Variants in KIAA1217 observed in about 807,000 individuals in gnomAD.
The protein encoded by KIAA1217 is sickle tail protein homolog.
In KIAA1217, 88 loss-of-function variants were observed where a neutral mutation model predicts 163.9. The observed-to-expected ratio is 0.54, with a 90% CI of 0.45 to 0.64. The LOEUF (loss-of-function observed/expected upper bound fraction) is 0.64. KIAA1217 is among the 30% of genes least tolerant of loss of function. KIAA1217 has a pLI of 0.00. For missense variants in KIAA1217, 2,372 were observed against 2,475.0 expected, an observed-to-expected ratio of 0.96 and a Z score of 0.88; for synonymous variants, 903 against 923.1, an observed-to-expected ratio of 0.98 and a Z score of 0.39.
intron 1 of KIAA1217, among the ~76,000 whole-genome samples, chr10:23,721,474 T>A (rs1043545313): frequency 6.6e-6 from 1 of 152,106 alleles, no homozygotes; most frequent in Non-Finnish European, 1.5e-5. Flanking sequence ...TCATAGCATC[T>A]TTTTCCTTTT....
intron 1 of KIAA1217, among the ~76,000 whole-genome samples, chr10:23,814,030 T>C (rs1484971956): frequency 3.3e-5 from 5 of 152,158 alleles, no homozygotes; most frequent in Non-Finnish European, 7.3e-5. Flanking sequence ...AGTATATCCA[T>C]GACTTTTTGG....
intron 2 of KIAA1217, among the ~76,000 whole-genome samples, chr10:24,203,184 CA>C (rs5783879): frequency 0.58 from 76,317 of 132,116 alleles, 21,160 homozygotes; most frequent in Non-Finnish European, 0.67. Context: ...AAAAACTTGT[CA>C]AAAAAAAAAA....
intron 6 of KIAA1217, among the ~76,000 whole-genome samples, chr10:24,487,447 G>C (rs1409698112): frequency 6.6e-6 from 1 of 152,204 alleles, no homozygotes; most frequent in African/African-American, 2.4e-5. Flanking sequence ...CGTCTCCCGA[G>C]GCCATGAAGA....
chr10:24,219,754 C>A lies in KIAA1217; in HGVS notation c.199C>A (p.His67Asn). 1 of 1,613,852 alleles carries A rather than the reference C, an allele frequency of 6.2e-7. No homozygotes were observed. Among genetic ancestry groups the A allele is most frequent in the Non-Finnish European group, 8.5e-7 (1 of 1,179,864 alleles). ...SKSSRNIPRR[H>N]TLGGPRSSKE... ...GTCTTCCCGCAATATCCCAAGGAGA[C>A]ACACCCTAGGGGGGCCCCGAAGTTC... is the stretch of plus-strand genomic sequence containing the variant. The change falls in exon 2 of 21, where the codon CAC becomes AAC. Residue 67 changes from histidine to asparagine, a missense_variant. Around this residue, in one of 3 missense-constraint regions of KIAA1217, gnomAD observed 1,431 missense variants for 1,470.3 expected, o/e 0.97. Coordinates refer to ENST00000376454, the MANE Select transcript of KIAA1217 (RefSeq NM_019590.5).
chr10:24,235,745 C>A (rs1266976295), intron 2 of KIAA1217, among the ~76,000 whole-genome samples: 4 of 152,100 alleles, frequency 2.6e-5, no homozygotes, highest in East Asian at 3.9e-4. Context: ...GCTGATGTTT[C>A]TGTCTGAACT....
chr10:24,190,868 T>C (rs1481456674), intron 2 of KIAA1217, among the ~76,000 whole-genome samples: 1 of 148,114 alleles, frequency 6.8e-6, no homozygotes, highest in Non-Finnish European at 1.5e-5. Flanking sequence ...GGGAAAGGGA[T>C]AACCAGGACA....
chr10:23,885,400 T>G (rs1841127903), intron 1 of KIAA1217, among the ~76,000 whole-genome samples: 2 of 151,932 alleles, frequency 1.3e-5, no homozygotes, highest in Admixed American at 6.6e-5. Context: ...CTTTGTACTC[T>G]TTGACCAACA....
At chr10:24,311,242 GTCCT>G (rs1473291441) in intron 2 of KIAA1217, among the ~76,000 whole-genome samples, 1 of 152,158 alleles carries the variant, frequency 6.6e-6, no homozygotes, top group African/African-American at 2.4e-5. Context: ...CCCAGCCTGT[GTCCT>G]GTGACACCTT....
intron 2 of KIAA1217, among the ~76,000 whole-genome samples, chr10:24,267,055 A>G (rs1293196835): frequency 6.6e-6 from 1 of 152,188 alleles, no homozygotes; most frequent in Non-Finnish European, 1.5e-5. Context: ...AGGAATCCAC[A>G]AACACCTGCC....
chr10:24,102,703 G>A (rs1379164554), intron 2 of KIAA1217, among the ~76,000 whole-genome samples: 1 of 152,172 alleles, frequency 6.6e-6, no homozygotes, highest in East Asian at 1.9e-4. Flanking sequence ...AAATAGTTCA[G>A]CCAAAAGAAT....
At position 23,749,636 on chromosome 10, in the gene KIAA1217, A is replaced by G. The variant is rs150605599; in HGVS notation, c.-321+54402A>G. Among the ~76,000 whole-genome samples, 1,165 of 152,158 alleles carry G rather than the reference A, an allele frequency of 7.7e-3. 15 individuals carry two copies. Among genetic ancestry groups the G allele is most frequent in the African/African-American group, 0.027 (1,109 of 41,518 alleles). The stretch of plus-strand genomic sequence containing the variant: ...TGGCCAGGATGGTCTTGATCTCTTG[A>G]CCTTGTGATCTGCCCACCTTTGCCT... On this transcript the variant is annotated intron_variant, in intron 1 of 18. Transcript: ENST00000376462.
intron 1 of KIAA1217, among the ~76,000 whole-genome samples, chr10:23,734,119 T>C (rs1168730850): frequency 1.3e-5 from 2 of 152,084 alleles, no homozygotes; most frequent in African/African-American, 2.4e-5. Context: ...CCCAACTTAG[T>C]AGGAACCCAA....
At chr10:24,263,038 GAGGA>G (rs2075873909) in intron 2 of KIAA1217, among the ~76,000 whole-genome samples, 1 of 152,032 alleles carries the variant, frequency 6.6e-6, no homozygotes, top group South Asian at 2.1e-4. Flanking sequence ...ATATCCCTCA[GAGGA>G]AGACTTCTAT....
At position 24,436,052 on chromosome 10, in the gene KIAA1217, G is replaced by A. The variant is rs144712324; in HGVS notation, c.753-2334G>A. Among the ~76,000 whole-genome samples the A allele has an allele frequency of 9.4e-3, 1,434 of 151,894 alleles. 16 individuals carry two copies. Among genetic ancestry groups the A allele is most frequent in the African/African-American group, 0.033 (1,368 of 41,396 alleles). ...ATTTTTGTATTTTTAGTAGAGATGG[G>A]GTTTCACCATGTTGGCCAGGTTTGT... On this transcript the variant is annotated intron_variant, in intron 4 of 20. Transcript: ENST00000376454.
Position 23,863,609 on chromosome 10 carries a change from G to A in KIAA1217, c.-320-143616G>A, listed in dbSNP as rs190739609. ...GGTGCTGACACCTTGATTTGTACTT[G>A]CCAGCCTCCAGAACTGAGATAAATA... On this transcript the variant is annotated intron_variant, in intron 1 of 18. Coordinates refer to the KIAA1217 transcript ENST00000376462. 2.5e-3 allele frequency among the ~76,000 whole-genome samples: 374 copies of A among 152,210 alleles called. 2 individuals are homozygous for A. Among genetic ancestry groups the A allele is most frequent in the Non-Finnish European group, 3.6e-3 (246 of 68,016 alleles).
At chr10:24,468,180 A>T (rs533313813) in intron 5 of KIAA1217, among the ~76,000 whole-genome samples, 7 of 152,184 alleles carry the variant, frequency 4.6e-5, no homozygotes, top group Non-Finnish European at 1.0e-4. Flanking sequence ...ACTTGAAAAC[A>T]TCCCTCCAGT....
At chr10:24,083,936 A>G (rs2061613077) in intron 2 of KIAA1217, among the ~76,000 whole-genome samples, 1 of 152,132 alleles carries the variant, frequency 6.6e-6, no homozygotes, top group African/African-American at 2.4e-5. Flanking sequence ...GCATCCTTGG[A>G]ACACCTGAAG....
chr10:24,263,596 T>C (rs182362895), intron 2 of KIAA1217, among the ~76,000 whole-genome samples: 23 of 152,288 alleles, frequency 1.5e-4, no homozygotes, highest in Admixed American at 1.2e-3. Context: ...CAAAGGTATA[T>C]TATCTGTCTC....
chr10:23,775,726 A>G (rs1343284539), intron 1 of KIAA1217, among the ~76,000 whole-genome samples: 3 of 152,258 alleles, frequency 2.0e-5, no homozygotes, highest in Non-Finnish European at 4.4e-5. Flanking sequence ...AGTATTTCAC[A>G]TAACATGAGG....
Sources: allele counts gnomAD v4.1 joint callset (sites outside exome capture counted in the v4.1 genomes callset), GRCh38; gene constraint gnomAD v4.1.1; regional missense constraint gnomAD v4.1.1; transcripts MANE v1.5; gene names NCBI Gene and HGNC (gene_info 2026-07-23, HGNC 2026-07-21).